The following GPATCH2 variants were observed in gnomAD, a reference collection of about 807,000 sequenced individuals.
The protein encoded by GPATCH2 is G-patch domain containing 2.
A neutral mutation model predicts 58.0 loss-of-function variants in GPATCH2; 51 were observed. That is an observed-to-expected ratio of 0.88 (90% CI 0.70 to 1.11). GPATCH2 has a LOEUF of 1.11. Ranked by LOEUF, GPATCH2 falls within the 50% of genes most tolerant of loss-of-function variation. The pLI is 0.00. For synonymous variants in GPATCH2, 222 were observed against 218.5 expected (o/e 1.02, Z -0.14); for missense variants, 625 against 652.2 (o/e 0.96, Z 0.45).
intron 9 of GPATCH2, among the ~76,000 whole-genome samples, chr1:217,439,953 C>T (rs1273154935): frequency 6.6e-6 from 1 of 152,210 alleles, no homozygotes; most frequent in Non-Finnish European, 1.5e-5. Context: ...GGAGCTGGTA[C>T]CATTCCTTCT....
chr1:217,541,080 T>C (rs1664715422), intron 5 of GPATCH2, among the ~76,000 whole-genome samples: 2 of 152,186 alleles, frequency 1.3e-5, no homozygotes, highest in South Asian at 4.1e-4. Flanking sequence ...GGGACAAATA[T>C]ATTCATCTAT....
Position 217,625,876 on chromosome 1 carries a change from C to T in GPATCH2, c.56+5040G>A, listed in dbSNP as rs376725058. On this transcript the variant is annotated intron_variant, in intron 1 of 9. Transcript: ENST00000366935. ...GTGCACACCTGTAATCCCAGCTACCCGGGAGGCTGAGGCAGGAGAATTGCT... is the reference window on the plus strand; with the variant it reads ...GTGCACACCTGTAATCCCAGCTACCTGGGAGGCTGAGGCAGGAGAATTGCT... 1.1e-4 allele frequency among the ~76,000 whole-genome samples: 16 copies of T among 152,032 alleles called. No homozygotes were observed. The East Asian group carries it at 1.4e-3, about 13-fold the overall frequency.
intron 6 of GPATCH2, among the ~76,000 whole-genome samples, chr1:217,503,008 T>C (rs894823553): frequency 6.6e-6 from 1 of 152,166 alleles, no homozygotes; most frequent in Admixed American, 6.5e-5. Flanking sequence ...GCTCTAGAAA[T>C]TGGCTGAAAT....
chr1:217,620,600 T>C (rs1669138937), intron 1 of GPATCH2, 101 bp from the exon 2 acceptor site: 4 of 714,820 alleles, frequency 5.6e-6, no homozygotes, highest in Non-Finnish European at 7.1e-6. Flanking sequence ...CAAAAATTAA[T>C]GATTACAAAA....
chr1:217,478,136 A>G (rs1661050138), intron 8 of GPATCH2, among the ~76,000 whole-genome samples: 1 of 152,310 alleles, frequency 6.6e-6, no homozygotes, highest in African/African-American at 2.4e-5. Flanking sequence ...TTAGATTACA[A>G]TATCCAAGTC....
intron 5 of GPATCH2, among the ~76,000 whole-genome samples, chr1:217,599,787 G>A (rs1201784484): frequency 6.6e-6 from 1 of 152,060 alleles, no homozygotes; most frequent in African/African-American, 2.4e-5. Context: ...TTATTCATCT[G>A]ACAAATGATA....
At chr1:217,523,799 G>C (rs1663620910) in intron 5 of GPATCH2, among the ~76,000 whole-genome samples, 1 of 140,946 alleles carries the variant, frequency 7.1e-6, no homozygotes, top group African/African-American at 2.6e-5. Flanking sequence ...GGCCAGGTGG[G>C]GGGCTGACCC....
intron 5 of GPATCH2, among the ~76,000 whole-genome samples, chr1:217,555,227 T>G (rs1370025053): frequency 5.9e-5 from 9 of 152,174 alleles, no homozygotes; most frequent in Non-Finnish European, 8.8e-5. Flanking sequence ...GCATCATAAT[T>G]TAATACAAAA....
At chr1:217,627,831 C>G (rs1669539985) in intron 1 of GPATCH2, among the ~76,000 whole-genome samples, 1 of 152,034 alleles carries the variant, frequency 6.6e-6, no homozygotes, top group Non-Finnish European at 1.5e-5. Context: ...TTAATGACTT[C>G]ATGAGTCATT....
At chr1:217,452,177 A>G (rs1204793338) in intron 8 of GPATCH2, among the ~76,000 whole-genome samples, 5 of 152,214 alleles carry the variant, frequency 3.3e-5, no homozygotes, top group African/African-American at 1.2e-4. Flanking sequence ...GAGACTGAAG[A>G]GGGAGGAGAC....
chr1:217,584,560 A>C (rs1667251491), intron 5 of GPATCH2, among the ~76,000 whole-genome samples: 1 of 151,658 alleles, frequency 6.6e-6, no homozygotes, highest in Non-Finnish European at 1.5e-5. Context: ...TATTGTTCTA[A>C]AGTCCTAGTA....
intron 1 of GPATCH2, among the ~76,000 whole-genome samples, chr1:217,627,639 G>A (rs1056013048): frequency 4.0e-5 from 6 of 151,872 alleles, no homozygotes; most frequent in African/African-American, 1.5e-4. Context: ...TGTCACCTTT[G>A]TTACCATAGG....
At chr1:217,502,609 G>T (rs894795898) in intron 6 of GPATCH2, among the ~76,000 whole-genome samples, 1 of 151,836 alleles carries the variant, frequency 6.6e-6, no homozygotes, top group African/African-American at 2.4e-5. Flanking sequence ...TTTCCTGTTT[G>T]TTCCTCTCTT....
rs115806710 is a variant in GPATCH2 at position 217,449,083 on chromosome 1, G to A, written c.1366+166C>T. On this transcript the variant is annotated intron_variant, in intron 9 of 9. Coordinates refer to ENST00000366935, the MANE Select transcript of GPATCH2 (RefSeq NM_018040.5). The stretch of plus-strand genomic sequence containing the variant: ...ACGTTAACCTGGAAGATCTACACAT[G>A]GAACATGTAATACACCCTGATACCA... 4.7e-3 allele frequency among the ~76,000 whole-genome samples: 713 copies of A among 152,296 alleles called. 4 individuals carry two copies. Among genetic ancestry groups the A allele is most frequent in the Non-Finnish European group, 4.7e-3 (320 of 68,008 alleles).
intron 6 of GPATCH2, among the ~76,000 whole-genome samples, chr1:217,514,043 T>C (rs1662995987): frequency 6.6e-6 from 1 of 152,020 alleles, no homozygotes; most frequent in Non-Finnish European, 1.5e-5. Flanking sequence ...GCCAGGCTGG[T>C]CTCGAACTCA....
chr1:217,566,206 T>C (rs1040657780), intron 5 of GPATCH2, among the ~76,000 whole-genome samples: 2 of 151,144 alleles, frequency 1.3e-5, no homozygotes, highest in African/African-American at 4.8e-5. Context: ...AACTTTCTTA[T>C]AAATATAGAA....
rs979835273 is a variant in GPATCH2, at chr1:217,427,470, ATAACTC to A, written c.*3669_*3674del. On this transcript the variant is annotated 3_prime_UTR_variant, in exon 10 of 10. Coordinates refer to ENST00000366935, the MANE Select transcript of GPATCH2 (RefSeq NM_018040.5). ...TTAAAGTACTTTCAACTTTTAAAAA[ATAACTC>A]TAAGGTAAAAGGGAAACATTTAAAG... 6.6e-6 allele frequency: 1 copy of A among 152,182 alleles called. No homozygotes were observed. The highest frequency in any genetic ancestry group is 1.5e-5 in the Non-Finnish European group (1 of 68,014). The allele number at this position is 152,182 out of a possible 1,614,324, so 9.4% of individuals were successfully genotyped here.
chr1:217,559,173 G>A (rs1665797454), intron 5 of GPATCH2, among the ~76,000 whole-genome samples: 1 of 152,108 alleles, frequency 6.6e-6, no homozygotes, highest in Non-Finnish European at 1.5e-5. Context: ...GCTCAGAAAA[G>A]TGAGGCATGA....
chr1:217,499,118 G>T (rs1012536975), intron 6 of GPATCH2, among the ~76,000 whole-genome samples: 2 of 151,990 alleles, frequency 1.3e-5, no homozygotes, highest in African/African-American at 4.8e-5. Flanking sequence ...GCATTATTCT[G>T]CATAAAAAAA....
Sources: allele counts gnomAD v4.1 joint callset (sites outside exome capture counted in the v4.1 genomes callset), GRCh38; gene constraint gnomAD v4.1.1; transcripts MANE v1.5; gene names NCBI Gene and HGNC (gene_info 2026-07-23, HGNC 2026-07-21).